The following FBXO34 variants were observed in gnomAD, a reference collection of about 807,000 sequenced individuals.
FBXO34 encodes the protein F-box protein 34, also known as F-box only protein 34.
A neutral mutation model predicts 24.5 loss-of-function variants in FBXO34; 12 were observed. The observed-to-expected ratio is 0.49, with a 90% CI of 0.31 to 0.79. The LOEUF is 0.79. Among genes scored for constraint, FBXO34 ranks in the 30% least tolerant of loss-of-function variants. FBXO34 has a pLI of 0.04. For synonymous variants in FBXO34, 320 were observed against 311.9 expected (o/e 1.03, Z -0.27); for missense variants, 823 against 857.7 (o/e 0.96, Z 0.51).
intron 1 of FBXO34, among the ~76,000 whole-genome samples, chr14:55,315,634 T>G (rs940086340): frequency 6.6e-6 from 1 of 152,216 alleles, no homozygotes; most frequent in African/African-American, 2.4e-5. Context: ...GTATAAAATT[T>G]AGCTTGAAAT....
intron 1 of FBXO34, chr14:55,299,365 G>A (rs1198412847): frequency 1.1e-5 from 4 of 352,358 alleles, no homozygotes; most frequent in African/African-American, 9.0e-5. Context: ...TCTCTGCATA[G>A]CATGGTCTGC....
chr14:55,298,819 G>A lies in FBXO34; in HGVS notation c.-11+27282G>A, dbSNP rs772904552. ...CCCGCGGCCCTCCAGGCACTGAAGC[G>A]TAAGAAGAGGTATGAGAAGCAGCTG... is the stretch of plus-strand genomic sequence containing the variant. On this transcript the variant is annotated intron_variant, in intron 1 of 1. Transcript: ENST00000313833. 1.7e-3 allele frequency: 2,716 copies of A among 1,611,846 alleles called. 3 individuals are homozygous for A. The highest frequency in any genetic ancestry group is 2.1e-3 in the Non-Finnish European group (2,530 of 1,178,206).
intron 1 of FBXO34, among the ~76,000 whole-genome samples, chr14:55,331,469 A>T (rs1343630784): frequency 6.6e-6 from 1 of 150,900 alleles, no homozygotes. Flanking sequence ...TGCAGCTATA[A>T]AGAGCAAATA....
intron 1 of FBXO34, among the ~76,000 whole-genome samples, chr14:55,290,243 A>C (rs1260689736): frequency 2.6e-5 from 4 of 151,924 alleles, no homozygotes; most frequent in Non-Finnish European, 5.9e-5. Context: ...AAAAATGCAA[A>C]ATTAGCCTGG....
At chr14:55,271,559 G>A (rs1436854761) in intron 1 of FBXO34, 22 bp downstream of exon 1, 1 of 149,374 alleles carries the variant, frequency 6.7e-6, no homozygotes, top group Admixed American at 6.7e-5. Context: ...CCGAGGTGGG[G>A]CGTGGCGCGA....
chr14:55,363,021 C>CTTT (rs774134598), downstream of FBXO34, among the ~76,000 whole-genome samples: 1,528 of 122,486 alleles, frequency 0.012, 41 homozygotes, highest in African/African-American at 0.043. Flanking sequence ...TTTTCTCTCT[C>CTTT]TCTTTTTTTT....
chr14:55,421,697 A>G, the FBXO34 span, among the ~76,000 whole-genome samples: 1 of 152,152 alleles, frequency 6.6e-6, no homozygotes, highest in Admixed American at 6.5e-5. Context: ...TCCTGGCCTC[A>G]TGTGATCTGC....
At chr14:55,399,678 G>A in the FBXO34 span, among the ~76,000 whole-genome samples, 2 of 152,200 alleles carry the variant, frequency 1.3e-5, no homozygotes, top group African/African-American at 4.8e-5. Context: ...TTTTATATCA[G>A]TGAGACAACA....
chr14:55,329,508 T>G (rs1883462609), intron 1 of FBXO34, among the ~76,000 whole-genome samples: 1 of 152,226 alleles, frequency 6.6e-6, no homozygotes, highest in South Asian at 2.1e-4. Flanking sequence ...TAAAGGATGT[T>G]TCACCAGGTT....
At chr14:55,414,253 G>A in the FBXO34 span, 1 of 694,834 alleles carries the variant, frequency 1.4e-6, no homozygotes, top group Admixed American at 2.8e-5. Context: ...TACTTACACA[G>A]AGTCGCCCTT....
At chr14:55,442,097 A>G in the FBXO34 span, among the ~76,000 whole-genome samples, 2 of 150,826 alleles carry the variant, frequency 1.3e-5, no homozygotes, top group African/African-American at 4.9e-5. Flanking sequence ...ATACGTAAAA[A>G]TGTACAGATT....
At chr14:55,284,049 A>G (rs1347510582) in intron 1 of FBXO34, among the ~76,000 whole-genome samples, 1 of 151,786 alleles carries the variant, frequency 6.6e-6, no homozygotes, top group African/African-American at 2.4e-5. Context: ...CTCAGACTGC[A>G]GTGCAGTGGC....
chr14:55,419,166 G>A, the FBXO34 span, among the ~76,000 whole-genome samples: 1 of 152,238 alleles, frequency 6.6e-6, no homozygotes, highest in Non-Finnish European at 1.5e-5. Flanking sequence ...GTGGGACAGG[G>A]TGAGCCCAGT....
At chr14:55,424,059 G>T in the FBXO34 span, 5 of 793,364 alleles carry the variant, frequency 6.3e-6, no homozygotes, top group Admixed American at 4.6e-5. Context: ...TGTATAACAA[G>T]AATTACTTTA....
the FBXO34 span, chr14:55,414,024 T>G: frequency 1.9e-6 from 1 of 537,586 alleles, no homozygotes; most frequent in Non-Finnish European, 3.6e-6. Context: ...AGAACATGTA[T>G]CAGGTGCCTC....
chr14:55,351,526 G>T lies in FBXO34; in HGVS notation c.1136G>T (p.Gly379Val). ...CAGGACTGCCCCCCATTGCCAGCAG[G>T]AGTGAGTTTCCACATAGACAGTGCA... ...ASQDCPPLPA[G>V]VSFHIDSAEL... Residue 379 changes from glycine to valine, a missense_variant, in exon 2 of 2, where the codon GGA (glycine) becomes GTA (valine). This residue lies in a region of FBXO34 where 693 missense variants were observed against 659.1 expected (regional missense o/e 1.05). Coordinates refer to ENST00000313833, the MANE Select transcript of FBXO34 (RefSeq NM_017943.4). 2 of 1,614,184 alleles carry T rather than the reference G, an allele frequency of 1.2e-6. No individual in the cohort carries two copies. Among genetic ancestry groups the T allele is most frequent in the Non-Finnish European group, 1.7e-6 (2 of 1,180,042 alleles).
At chr14:55,369,971 A>C, downstream of FBXO34, 300 of 1,507,964 alleles carry the variant, frequency 2.0e-4, no homozygotes, top group Non-Finnish European at 2.5e-4. Context: ...AACCATTCTC[A>C]ACACCAGAAA....
At chr14:55,273,242 T>C (rs758950397) in intron 1 of FBXO34, among the ~76,000 whole-genome samples, 1 of 152,164 alleles carries the variant, frequency 6.6e-6, no homozygotes, top group Non-Finnish European at 1.5e-5. Context: ...ATTGATAAGA[T>C]ACTGTCTCTC....
chr14:55,277,350 C>T lies in FBXO34; in HGVS notation c.-11+5813C>T, dbSNP rs556026980. On this transcript the variant is annotated intron_variant, in intron 1 of 1. Transcript: ENST00000313833. ...TTTGTTTTGTTTTTTGAGACAGTCT[C>T]GCTTTGTTGCCCAGACTGAAGTACA... Among the ~76,000 whole-genome samples the T allele has an allele frequency of 2.6e-5, 4 of 152,274 alleles. No individual in the cohort carries two copies. In the East Asian group the frequency reaches 7.7e-4, roughly 29 times the overall value.
Sources: gnomAD v4.1 joint callset for allele counts (sites outside exome capture counted in the v4.1 genomes callset) on GRCh38, gnomAD v4.1.1 for gene constraint, gnomAD v4.1.1 regional missense constraint, MANE v1.5 for transcripts, NCBI Gene and HGNC (gene_info 2026-07-23, HGNC 2026-07-21) for gene names.